The following PDPR variants were observed in gnomAD, a reference collection of about 807,000 sequenced individuals.
The protein encoded by PDPR is pyruvate dehydrogenase phosphatase regulatory subunit.
A neutral mutation model predicts 102.2 loss-of-function variants in PDPR; 50 were observed. That is an observed-to-expected ratio of 0.49 (90% CI 0.39 to 0.62). PDPR has a LOEUF of 0.62. PDPR is among the 20% of genes least tolerant of loss of function. PDPR has a pLI of 0.00. For missense variants in PDPR, 625 were observed against 1,098.2 expected (o/e 0.57, Z 6.09); for synonymous variants, 259 against 406.0 (o/e 0.64, Z 4.35).
At chr16:70,145,555 G>A (rs564680406) in intron 15 of PDPR, among the ~76,000 whole-genome samples, 8 of 152,350 alleles carry the variant, frequency 5.3e-5, no homozygotes, top group South Asian at 4.1e-4. Context: ...CCCCACCAGC[G>A]TTTGCTCTCC....
rs1434497073 is a variant in PDPR, at chr16:70,156,584, G to A, written c.2345G>A (p.Trp782Ter). The change falls in exon 19 of 19, where the codon TGG becomes TAG. Residue 782 changes from tryptophan (W) to a stop codon, truncating the protein, a stop_gained. Coordinates refer to ENST00000288050, the MANE Select transcript of PDPR (RefSeq NM_017990.5). LOFTEE classifies it high-confidence loss of function. ...LDDHDSDLDL[W>*]PWWGEPIYRN... Reference sequence around the variant, plus strand: ...GACCATGATTCAGACCTAGACCTTTGGCCTTGGTGGGGAGAGCCCATTTAC... The same window carrying A: ...GACCATGATTCAGACCTAGACCTTTAGCCTTGGTGGGGAGAGCCCATTTAC... The A allele has an allele frequency of 1.2e-6, 2 of 1,614,086 alleles. No homozygotes were observed. Among genetic ancestry groups the A allele is most frequent in the Non-Finnish European group, 1.7e-6 (2 of 1,179,910 alleles).
intron 3 of PDPR, among the ~76,000 whole-genome samples, chr16:70,124,595 T>A (rs1264561777): frequency 6.6e-6 from 1 of 152,250 alleles, no homozygotes; most frequent in Non-Finnish European, 1.5e-5. Context: ...TCAATATTTT[T>A]AAAAGCTTCC....
rs1323344334 is a variant in PDPR at position 70,160,098 on chromosome 16, A to G, written c.*3219A>G. On this transcript the variant is annotated 3_prime_UTR_variant, in exon 19 of 19. Coordinates refer to ENST00000288050, the MANE Select transcript of PDPR (RefSeq NM_017990.5). ...ATCTGAACCTAGGAACACAAAGTAT[A>G]TTGGCCTCAAACGGAGACCCAGGGT... is the stretch of plus-strand genomic sequence containing the variant. 6.5e-6 allele frequency: 1 copy of G among 152,716 alleles called. No individual in the cohort carries two copies. The allele number at this position is 152,716 out of a possible 1,614,324, so 9.5% of individuals were successfully genotyped here.
intron 3 of PDPR, among the ~76,000 whole-genome samples, chr16:70,127,013 T>TTTG (rs1321861829): frequency 6.6e-6 from 1 of 152,240 alleles, no homozygotes; most frequent in South Asian, 2.1e-4. Flanking sequence ...CCTGGCTAAT[T>TTTG]TTGTTGTTGT....
intron 3 of PDPR, among the ~76,000 whole-genome samples, chr16:70,126,745 T>C (rs1734701818): frequency 6.6e-6 from 1 of 152,274 alleles, no homozygotes; most frequent in African/African-American, 2.4e-5. Context: ...AGGCCAGTCT[T>C]GAACTCCTGG....
chr16:70,163,171 C>T (rs944539920), downstream of PDPR, among the ~76,000 whole-genome samples: 11 of 152,256 alleles, frequency 7.2e-5, no homozygotes, highest in Non-Finnish European at 1.0e-4. Flanking sequence ...TGGTCTCAAA[C>T]CCCCAACCTC....
chr16:70,118,358 G>A (rs1962869401), intron 2 of PDPR, among the ~76,000 whole-genome samples: 2 of 152,154 alleles, frequency 1.3e-5, no homozygotes, highest in Admixed American at 6.6e-5. Flanking sequence ...GAAAGGAGGT[G>A]AAATTGAAGG....
chr16:70,146,985 C>A (rs1212327625), intron 16 of PDPR, among the ~76,000 whole-genome samples: 1 of 56,708 alleles, frequency 1.8e-5, no homozygotes, highest in African/African-American at 7.1e-5. Context: ...CACAGGCTGG[C>A]GTGCAATGGT....
chr16:70,145,185 A>G (rs1213675337), intron 15 of PDPR, among the ~76,000 whole-genome samples: 4 of 152,184 alleles, frequency 2.6e-5, no homozygotes, highest in African/African-American at 9.6e-5. Flanking sequence ...TCTGGGAGGC[A>G]GAGGTTGCAG....
rs1315391747 is a variant in PDPR, at chr16:70,162,404, G to A, written c.*5525G>A. The A allele has an allele frequency of 6.6e-6, 1 of 152,510 alleles. No individual in the cohort carries two copies. Among genetic ancestry groups the A allele is most frequent in the Non-Finnish European group, 1.5e-5 (1 of 68,192 alleles). 9.4% of individuals were successfully genotyped at this position (152,510 alleles called of 1,614,324 possible). ...TCCTGGGTGACTTTGGGTGCACAGG[G>A]TGACCGAGCATTTCTGCCCCTGTGA... On this transcript the variant is annotated 3_prime_UTR_variant, in exon 19 of 19. Transcript: ENST00000288050.
rs986559190 is a variant in PDPR, at chr16:70,115,336, C to A, written c.-33+406C>A. The stretch of plus-strand genomic sequence containing the variant: ...ACGGGGTTTCACTATGTTGGCCAGG[C>A]TGGTCTCGAACTCCTGACCTCGTGA... On this transcript the variant is annotated intron_variant, in intron 2 of 18. Transcript: ENST00000288050. Among the ~76,000 whole-genome samples the A allele has an allele frequency of 2.6e-5, 4 of 152,210 alleles. No homozygotes were observed. The South Asian group carries it at 8.3e-4, about 32-fold the overall frequency.
At chr16:70,150,394 G>C (rs1966633499) in intron 17 of PDPR, among the ~76,000 whole-genome samples, 2 of 128,418 alleles carry the variant, frequency 1.6e-5, no homozygotes, top group Non-Finnish European at 3.4e-5. Flanking sequence ...GTGAGCCACC[G>C]CACCCGGGCC....
chr16:70,124,304 A>C (rs1281817825), intron 3 of PDPR, among the ~76,000 whole-genome samples: 31 of 152,390 alleles, frequency 2.0e-4, no homozygotes, highest in Middle Eastern at 3.4e-3. Flanking sequence ...CAGAGATTGC[A>C]GTGAGCCAAG....
rs1245336042 is a variant in PDPR at position 70,143,171 on chromosome 16, G to A, written c.1606-339G>A. Among the ~76,000 whole-genome samples, 3 of 152,066 alleles carry A rather than the reference G, an allele frequency of 2.0e-5. No individual in the cohort carries two copies. The East Asian group carries it at 5.8e-4, about 29-fold the overall frequency. ...GCCACTGCACTCAGCCTGGGCAACA[G>A]AGTGAGACTCCATCTCAAAAAAAAA... On this transcript the variant is annotated intron_variant, in intron 13 of 18. Transcript: ENST00000288050.
At chr16:70,151,410 A>T (rs1966731710) in intron 17 of PDPR, among the ~76,000 whole-genome samples, 1 of 152,288 alleles carries the variant, frequency 6.6e-6, no homozygotes, top group African/African-American at 2.4e-5. Flanking sequence ...CCCTTTTTAA[A>T]TGATTAAAGC....
In PDPR at chr16:70,131,396, C is replaced by T. The variant is rs1366119253; in HGVS notation, c.824C>T (p.Thr275Ile). 6.9e-7 allele frequency: 1 copy of T among 1,454,400 alleles called. No homozygotes were observed. The highest frequency in any genetic ancestry group is 1.4e-5 in the African/African-American group (1 of 70,450). The allele number at this position is 1,454,400 out of a possible 1,614,324, so 90.1% of individuals were successfully genotyped here. The change falls in exon 8 of 19, where the codon ACC (threonine) becomes ATC (isoleucine). Residue 275 changes from threonine (T) to isoleucine (I), a missense_variant. By Grantham distance (89) the Thr-to-Ile change is moderately conservative. Around this residue, in one of 11 missense-constraint regions of PDPR, gnomAD observed 16 missense variants for 93.0 expected, o/e 0.17. Coordinates refer to ENST00000288050, the MANE Select transcript of PDPR (RefSeq NM_017990.5). The part of the protein sequence containing the change: ...HFYLLTRPLE[T>I]PLQSSTPTIV... ...TACCTCCTGACTCGCCCCTTGGAGA[C>T]CCCTCTGCAGAGCAGCACACCAAGT...
chr16:70,146,760 C>T (rs1344036208), intron 16 of PDPR, among the ~76,000 whole-genome samples: 10 of 23,482 alleles, frequency 4.3e-4, no homozygotes, highest in South Asian at 1.7e-3. Context: ...CCCAGCTACT[C>T]GGGAGGCTGA....
At chr16:70,138,470 G>T (rs1965390698) in intron 10 of PDPR, among the ~76,000 whole-genome samples, 1 of 152,166 alleles carries the variant, frequency 6.6e-6, no homozygotes, top group South Asian at 2.1e-4. Context: ...GTCTGCCTCG[G>T]CCTCCCAAAG....
chr16:70,123,518 G>A (rs1963576892), intron 3 of PDPR, among the ~76,000 whole-genome samples: 1 of 152,284 alleles, frequency 6.6e-6, no homozygotes. Context: ...GGTTACAGGT[G>A]TGGGCCGCCA....
Sources: allele counts gnomAD v4.1 joint callset (sites outside exome capture counted in the v4.1 genomes callset), GRCh38; gene constraint gnomAD v4.1.1; regional missense constraint gnomAD v4.1.1; transcripts MANE v1.5; gene names NCBI Gene and HGNC (gene_info 2026-07-23, HGNC 2026-07-21).